NFKBIL1: variants seen among roughly 807,000 people sequenced by gnomAD.
NFKBIL1 encodes the protein NFKB inhibitor like 1.
Under a neutral mutation model 45.4 loss-of-function variants are expected in NFKBIL1, and 30 were observed. The ratio of observed to expected loss-of-function variants is 0.66; its 90% CI spans 0.49 to 0.90. NFKBIL1 has a LOEUF of 0.90. NFKBIL1 is among the 40% of genes least tolerant of loss of function. The pLI, the probability that NFKBIL1 is intolerant of heterozygous loss-of-function variation, is 0.00. For synonymous variants in NFKBIL1, 179 were observed against 197.3 expected (o/e 0.91, Z 0.78); for missense variants, 434 against 513.4 (o/e 0.85, Z 1.49).
In NFKBIL1 at chr6:31,557,577, C is replaced by T. The variant is rs3219179; in HGVS notation, c.335-51C>T. The stretch of plus-strand genomic sequence containing the variant: ...GCAGGATTCAAGATGGCAGCTCTGC[C>T]GAGGAGTGGGAGTCCCAGCTAACTT... On this transcript the variant is annotated intron_variant, in intron 2 of 3. Transcript: ENST00000376148. This position sits in a 1 kb window ranked among gnomAD's most constrained non-coding sequence, Gnocchi z 5.4. The T allele has an allele frequency of 1.2e-3, 1,710 of 1,414,106 alleles. 53 individuals carry two copies. In the Admixed American group the frequency reaches 0.034, roughly 28 times the overall value. 87.6% of individuals were successfully genotyped at this position (1,414,106 alleles called of 1,614,324 possible).
At chr6:31,554,180 C>G (rs1769589642) in intron 2 of NFKBIL1, among the ~76,000 whole-genome samples, 1 of 152,134 alleles carries the variant, frequency 6.6e-6, no homozygotes, top group South Asian at 2.1e-4. Flanking sequence ...CCAAGGTAGG[C>G]AGATCACTTG....
intron 2 of NFKBIL1, among the ~76,000 whole-genome samples, chr6:31,553,400 C>G (rs974584687): frequency 6.6e-6 from 1 of 151,882 alleles, no homozygotes; most frequent in Non-Finnish European, 1.5e-5. Flanking sequence ...AACAAGAGTC[C>G]CACCTCACAC....
At position 31,558,738 on chromosome 6, in the gene NFKBIL1, GAA is replaced by G. The variant is rs1336071211; in HGVS notation, c.*129_*130del. 6.8e-6 allele frequency: 5 copies of G among 738,344 alleles called. No homozygotes were observed. The highest frequency in any genetic ancestry group is 1.0e-5 in the Non-Finnish European group (5 of 479,836). The allele number at this position is 738,344 out of a possible 1,614,324, so 45.7% of individuals were successfully genotyped here. ...CTCAGCAGAGGATATGGGTGGGAGC[GAA>G]AGTTGTAACAAGTGGGGGTGGGGGG... On this transcript the variant is annotated 3_prime_UTR_variant, in exon 4 of 4. Transcript: ENST00000376148. This position sits in a 1 kb window ranked among gnomAD's most constrained non-coding sequence, Gnocchi z 7.2.
At chr6:31,548,587 C>T (rs1279879731) in intron 2 of NFKBIL1, 148 bp downstream of exon 2, 8 of 833,586 alleles carry the variant, frequency 9.6e-6, no homozygotes, top group African/African-American at 8.9e-5. Flanking sequence ...GTCATTTGTC[C>T]CTTTACATTA....
Position 31,548,239 on chromosome 6 carries a change from G to T in NFKBIL1, c.134G>T (p.Arg45Leu). Residue 45 changes from arginine to leucine, a missense_variant, in exon 2 of 4, where the codon CGG (arginine) becomes CTG (leucine). Physicochemically the swap from Arg to Leu is moderately radical, Grantham distance 102. Around this residue, in one of 4 missense-constraint regions of NFKBIL1, gnomAD observed 231 missense variants for 264.1 expected, o/e 0.87. Transcript: ENST00000376148. ...TTTCGTCGTTACTTGTCTGCAGGAC[G>T]GCTGGTCCGGGCCCAGGCCCTCCTC... ...RRFRRYLSAG[R>L]LVRAQALLQR... The T allele has an allele frequency of 6.2e-7, 1 of 1,613,108 alleles. No homozygotes were observed. Among genetic ancestry groups the T allele is most frequent in the South Asian group, 1.1e-5 (1 of 91,086 alleles).
chr6:31,556,384 T>C (rs1352670509), intron 2 of NFKBIL1, among the ~76,000 whole-genome samples: 2 of 152,134 alleles, frequency 1.3e-5, no homozygotes, highest in African/African-American at 2.4e-5. Context: ...CAAATAAAGA[T>C]TTAAGGACTG....
chr6:31,547,603 TC>T, upstream of NFKBIL1: 1 of 841,506 alleles, frequency 1.2e-6, no homozygotes, highest in Non-Finnish European at 1.8e-6. Context: ...CTGGAGTGTC[TC>T]CGCCCTTCCC....
At chr6:31,554,375 C>T (rs887697907) in intron 2 of NFKBIL1, among the ~76,000 whole-genome samples, 2 of 151,720 alleles carry the variant, frequency 1.3e-5, no homozygotes, top group Non-Finnish European at 2.9e-5. Flanking sequence ...ATCATGCCAC[C>T]GCACTGCAGC....
chr6:31,548,149 T>C lies in NFKBIL1; in HGVS notation c.58-14T>C. ...AGGCTGAAGTCCTGACTGCTGCCTTTTTTCCTTCCCCAGCCCAAGAGTTCC... is the reference window on the plus strand; with the variant it reads ...AGGCTGAAGTCCTGACTGCTGCCTTCTTTCCTTCCCCAGCCCAAGAGTTCC... On this transcript the variant is annotated splice_polypyrimidine_tract_variant and intron_variant, in intron 1 of 3. Transcript: ENST00000376148. 1 of 1,613,098 alleles carries C rather than the reference T, an allele frequency of 6.2e-7. No individual in the cohort carries two copies. Among genetic ancestry groups the C allele is most frequent in the Admixed American group, 1.7e-5 (1 of 60,026 alleles).
rs754076130 is a variant in NFKBIL1 at position 31,557,993 on chromosome 6, A to G, written c.557-29A>G. The stretch of plus-strand genomic sequence containing the variant: ...CATCACCTTCTCACAGCCTCTCTCC[A>G]ACTACCCCCATCCCACCCTCCCAAA... On this transcript the variant is annotated intron_variant, in intron 3 of 3. Transcript: ENST00000376148. The surrounding 1 kb of genome is among the most constrained non-coding windows in gnomAD (Gnocchi z 5.4). 5 of 1,522,582 alleles carry G rather than the reference A, an allele frequency of 3.3e-6. No individual in the cohort carries two copies. The Admixed American group carries it at 5.6e-5, about 17-fold the overall frequency. The allele number at this position is 1,522,582 out of a possible 1,614,324, so 94.3% of individuals were successfully genotyped here.
At chr6:31,547,789 T>G (rs769157385) in intron 1 of NFKBIL1, 38 bp downstream of exon 1, 2 of 1,523,566 alleles carry the variant, frequency 1.3e-6, no homozygotes, top group African/African-American at 1.4e-5. Context: ...TATTGGAGAT[T>G]ATCTGTGACT....
chr6:31,551,998 T>C (rs35588235), intron 2 of NFKBIL1, among the ~76,000 whole-genome samples: 15,865 of 152,122 alleles, frequency 0.1, 962 homozygotes, highest in Non-Finnish European at 0.13. Flanking sequence ...GGTTTCACCA[T>C]GTTGGCCAGA....
chr6:31,557,879 C>T lies in NFKBIL1; in HGVS notation c.556+30C>T. The T allele has an allele frequency of 6.4e-7, 1 of 1,552,198 alleles. No individual in the cohort carries two copies. Among genetic ancestry groups the T allele is most frequent in the Non-Finnish European group, 8.8e-7 (1 of 1,141,756 alleles). ...GAAGTCCACTGCTATCCACAGCTGC[C>T]CTTCCCCACTGGCTGCTTTCCATCT... On this transcript the variant is annotated intron_variant, in intron 3 of 3. Coordinates refer to ENST00000376148, the MANE Select transcript of NFKBIL1 (RefSeq NM_005007.4). The surrounding 1 kb of genome is among the most constrained non-coding windows in gnomAD (Gnocchi z 5.4).
At chr6:31,553,636 T>C (rs1769560592) in intron 2 of NFKBIL1, among the ~76,000 whole-genome samples, 1 of 152,170 alleles carries the variant, frequency 6.6e-6, no homozygotes, top group Non-Finnish European at 1.5e-5. Flanking sequence ...TATTGTATTA[T>C]ACTTTGTATT....
chr6:31,551,618 G>A (rs2523499), intron 2 of NFKBIL1, among the ~76,000 whole-genome samples: 22,412 of 141,088 alleles, frequency 0.16, 1,740 homozygotes, highest in East Asian at 0.29. Flanking sequence ...CTTTTGAGAC[G>A]GAGTCTTGCT....
rs1769840446 is a variant in NFKBIL1 at position 31,557,902 on chromosome 6, TC to T, written c.556+54del. The T allele has an allele frequency of 6.5e-7, 1 of 1,527,054 alleles. No individual in the cohort carries two copies. Among genetic ancestry groups the T allele is most frequent in the African/African-American group, 1.4e-5 (1 of 72,948 alleles). 94.6% of individuals were successfully genotyped at this position (1,527,054 alleles called of 1,614,324 possible). The stretch of plus-strand genomic sequence containing the variant: ...GCCCTTCCCCACTGGCTGCTTTCCA[TC>T]TGCATGAATGCGTCACACTAGGCTC... On this transcript the variant is annotated intron_variant, in intron 3 of 3. Coordinates refer to ENST00000376148, the MANE Select transcript of NFKBIL1 (RefSeq NM_005007.4). This position sits in a 1 kb window ranked among gnomAD's most constrained non-coding sequence, Gnocchi z 5.4.
At chr6:31,549,810 G>T (rs1451149324) in intron 2 of NFKBIL1, among the ~76,000 whole-genome samples, 1 of 152,120 alleles carries the variant, frequency 6.6e-6, no homozygotes, top group African/African-American at 2.4e-5. Context: ...TATAGAGTGA[G>T]TGTACTTTTA....
At chr6:31,549,598 A>G (rs1769315885) in intron 2 of NFKBIL1, among the ~76,000 whole-genome samples, 1 of 151,168 alleles carries the variant, frequency 6.6e-6, no homozygotes, top group East Asian at 1.9e-4. Context: ...CTTAACCACA[A>G]TTCTAAACTC....
Position 31,547,625 on chromosome 6 carries a change from T to C in NFKBIL1, c.-70T>C. Reference sequence around the variant, plus strand: ...GTCTCCGCCCTTCCCGCCTCCCGTCTCCGAGCTTCTTAAACACAGGCCTTG... The same window carrying C: ...GTCTCCGCCCTTCCCGCCTCCCGTCCCCGAGCTTCTTAAACACAGGCCTTG... On this transcript the variant is annotated 5_prime_UTR_variant, in exon 1 of 4. Coordinates refer to ENST00000376148, the MANE Select transcript of NFKBIL1 (RefSeq NM_005007.4). 1 of 1,145,076 alleles carries C rather than the reference T, an allele frequency of 8.7e-7. No individual in the cohort carries two copies. Among genetic ancestry groups the C allele is most frequent in the Non-Finnish European group, 1.3e-6 (1 of 793,992 alleles). 70.9% of individuals were successfully genotyped at this position (1,145,076 alleles called of 1,614,324 possible). A position where few individuals can be genotyped will look rare whatever the true frequency, so the allele number is the denominator to read the frequency against.
Sources: allele counts gnomAD v4.1 joint callset (sites outside exome capture counted in the v4.1 genomes callset), GRCh38; gene constraint gnomAD v4.1.1; regional missense constraint gnomAD v4.1.1; non-coding constraint Gnocchi (gnomAD v3.1); transcripts MANE v1.5; gene names NCBI Gene and HGNC (gene_info 2026-07-23, HGNC 2026-07-21).